The following PLXNA4 variants were observed in gnomAD, a reference collection of about 807,000 sequenced individuals.
The protein encoded by PLXNA4 is plexin A4, also known as plexin-A4.
In PLXNA4, 44 loss-of-function variants were observed where a neutral mutation model predicts 191.8. The observed-to-expected ratio is 0.23, with a 90% CI of 0.18 to 0.29. The LOEUF (loss-of-function observed/expected upper bound fraction) is 0.29. Among genes scored for constraint, PLXNA4 ranks in the 10% least tolerant of loss-of-function variants. The pLI is 1.00. For missense variants in PLXNA4, 1,800 were observed against 2,488.8 expected (o/e 0.72, Z 5.89); for synonymous variants, 1,082 against 1,009.5 (o/e 1.07, Z -1.36).
At chr7:132,517,462 C>A (rs141347677) in intron 1 of PLXNA4, among the ~76,000 whole-genome samples, 3 of 152,184 alleles carry the variant, frequency 2.0e-5, no homozygotes, top group Non-Finnish European at 4.4e-5. Context: ...AAGAAAGAAA[C>A]CTTTACTGTG....
At chr7:132,577,120 G>GGCTGCGGCGGCTGGC (rs1277427399), upstream of PLXNA4, 1 of 146,436 alleles carries the variant, frequency 6.8e-6, no homozygotes, top group African/African-American at 2.5e-5. Context: ...CGGCGGTGGT[G>GGCTGCGGCGGCTGGC]GCTGCGGCGG....
At chr7:132,170,901 A>C (rs1159495144) in intron 21 of PLXNA4, among the ~76,000 whole-genome samples, 2 of 152,230 alleles carry the variant, frequency 1.3e-5, no homozygotes, top group African/African-American at 4.8e-5. Context: ...AAATGGGAAC[A>C]GCTAGAGATA....
intron 3 of PLXNA4, among the ~76,000 whole-genome samples, chr7:132,307,073 TC>T (rs1307167468): frequency 6.6e-6 from 1 of 152,042 alleles, no homozygotes; most frequent in Non-Finnish European, 1.5e-5. Context: ...TCAGTTCCCA[TC>T]AGACTCTGAT....
chr7:132,146,070 A>T (rs1005462876), intron 28 of PLXNA4, among the ~76,000 whole-genome samples: 1 of 124,508 alleles, frequency 8.0e-6, no homozygotes, highest in Non-Finnish European at 1.6e-5. Context: ...ACAGAACAAG[A>T]CTCTGTCTCA....
chr7:132,578,703 G>A (rs1223100460), upstream of PLXNA4, among the ~76,000 whole-genome samples: 1 of 152,164 alleles, frequency 6.6e-6, no homozygotes, highest in Admixed American at 6.5e-5. Flanking sequence ...GCCAGAATGA[G>A]GAGGAAACCA....
intron 10 of PLXNA4, among the ~76,000 whole-genome samples, chr7:132,210,668 C>T (rs1314154770): frequency 6.6e-6 from 1 of 152,192 alleles, no homozygotes; most frequent in Non-Finnish European, 1.5e-5. Context: ...ACGGCTGGTC[C>T]AATATCCCTT....
At position 132,369,961 on chromosome 7, in the gene PLXNA4, G is replaced by C. The variant is rs545267514; in HGVS notation, c.1372-71739C>G. Among the ~76,000 whole-genome samples, 11 of 151,812 alleles carry C rather than the reference G, an allele frequency of 7.2e-5. No homozygotes were observed. In the East Asian group the frequency reaches 1.6e-3, roughly 21 times the overall value. The stretch of plus-strand genomic sequence containing the variant: ...CAGGTGCCTGCAGTCCCAGCTACTC[G>C]GGAGGCTGAGGCAGGAGCATGGCAT... On this transcript the variant is annotated intron_variant, in intron 3 of 31. Transcript: ENST00000321063.
chr7:132,137,747 G>A (rs903384162), intron 30 of PLXNA4, among the ~76,000 whole-genome samples: 2 of 152,082 alleles, frequency 1.3e-5, no homozygotes, highest in Admixed American at 6.5e-5. Flanking sequence ...GGATGGGTGG[G>A]AGGAGAGATC....
chr7:132,294,556 G>C (rs776543239), intron 4 of PLXNA4, among the ~76,000 whole-genome samples: 4 of 152,232 alleles, frequency 2.6e-5, no homozygotes, highest in Non-Finnish European at 4.4e-5. Flanking sequence ...GAAACAGAGA[G>C]AGTAGTTGGA....
intron 18 of PLXNA4, among the ~76,000 whole-genome samples, chr7:132,180,937 C>T (rs1796683099): frequency 6.6e-6 from 1 of 152,234 alleles, no homozygotes; most frequent in Admixed American, 6.5e-5. Flanking sequence ...TCAAAGTACT[C>T]CTTTCAGCTT....
intron 25 of PLXNA4, among the ~76,000 whole-genome samples, chr7:132,156,927 A>C (rs1036873525): frequency 5.3e-5 from 8 of 152,192 alleles, no homozygotes; most frequent in Non-Finnish European, 8.8e-5. Flanking sequence ...AAAGGAAAAA[A>C]GGGAACTTCT....
intron 14 of PLXNA4, among the ~76,000 whole-genome samples, chr7:132,190,897 T>G (rs564090766): frequency 6.6e-6 from 1 of 152,170 alleles, no homozygotes; most frequent in Non-Finnish European, 1.5e-5. Flanking sequence ...AGCGGTGTGA[T>G]GCAGTCAGAT....
chr7:132,394,100 C>A (rs1212839070), intron 3 of PLXNA4, among the ~76,000 whole-genome samples: 1 of 151,994 alleles, frequency 6.6e-6, no homozygotes, highest in African/African-American at 2.4e-5. Context: ...TTCTCCAAGC[C>A]CTGGCCAAGA....
intron 5 of PLXNA4, among the ~76,000 whole-genome samples, chr7:132,231,079 A>C (rs74890963): frequency 2.0e-5 from 3 of 152,196 alleles, no homozygotes; most frequent in East Asian, 3.9e-4. Context: ...ACTACTCATC[A>C]TCTTCCCCCA....
At chr7:132,483,147 C>T (rs531037732) in intron 3 of PLXNA4, among the ~76,000 whole-genome samples, 2 of 152,342 alleles carry the variant, frequency 1.3e-5, no homozygotes, top group Admixed American at 1.3e-4. Flanking sequence ...GACCCCAAAT[C>T]AGAACATCAA....
chr7:132,385,744 G>A (rs1805107034), intron 3 of PLXNA4, among the ~76,000 whole-genome samples: 1 of 152,158 alleles, frequency 6.6e-6, no homozygotes, highest in Non-Finnish European at 1.5e-5. Context: ...ATGCACACAT[G>A]GATGCACACA....
chr7:132,167,083 C>T (rs1212115337), intron 22 of PLXNA4, among the ~76,000 whole-genome samples: 1 of 152,190 alleles, frequency 6.6e-6, no homozygotes, highest in South Asian at 2.1e-4. Context: ...GTGGTCTAGG[C>T]AGAGGGCTGG....
At chr7:132,306,771 CAT>C (rs1396497199) in intron 3 of PLXNA4, among the ~76,000 whole-genome samples, 1 of 152,172 alleles carries the variant, frequency 6.6e-6, no homozygotes, top group Non-Finnish European at 1.5e-5. Context: ...CATGTATACA[CAT>C]GTGCACTCTC....
At chr7:132,410,768 G>A (rs1794425041) in intron 3 of PLXNA4, among the ~76,000 whole-genome samples, 1 of 152,186 alleles carries the variant, frequency 6.6e-6, no homozygotes, top group Non-Finnish European at 1.5e-5. Flanking sequence ...TCTCCATCAG[G>A]AGGTGTGGAA....
Sources: gnomAD v4.1 joint callset for allele counts (sites outside exome capture counted in the v4.1 genomes callset) on GRCh38, gnomAD v4.1.1 for gene constraint, MANE v1.5 for transcripts, NCBI Gene and HGNC (gene_info 2026-07-23, HGNC 2026-07-21) for gene names.